Variants in MACROD2 observed in about 807,000 individuals in gnomAD.
The protein encoded by MACROD2 is ADP-ribose glycohydrolase MACROD2.
Under a neutral mutation model 70.4 loss-of-function variants are expected in MACROD2, and 36 were observed. The observed-to-expected ratio is 0.51, with a 90% confidence interval of 0.39 to 0.68. The LOEUF is 0.68. Ranked by LOEUF, MACROD2 falls within the 30% of genes least tolerant of loss-of-function variation. The pLI is 0.00. For missense variants in MACROD2, 496 were observed against 538.4 expected (o/e 0.92, Z 0.78); for synonymous variants, 172 against 178.8 (o/e 0.96, Z 0.30).
intron 5 of MACROD2, among the ~76,000 whole-genome samples, chr20:15,224,105 C>T (rs189212592): frequency 1.3e-5 from 2 of 152,324 alleles, no homozygotes; most frequent in African/African-American, 4.8e-5. Context: ...TCCTCCACTG[C>T]TCCAGTGCCA....
intron 8 of MACROD2, among the ~76,000 whole-genome samples, chr20:15,723,564 C>A (rs2146938500): frequency 6.6e-6 from 1 of 152,306 alleles, no homozygotes. Context: ...AGATTGACTT[C>A]TTTCACTTAG....
intron 8 of MACROD2, among the ~76,000 whole-genome samples, chr20:15,500,632 T>C (rs2047352933): frequency 6.6e-6 from 1 of 152,198 alleles, no homozygotes; most frequent in Non-Finnish European, 1.5e-5. Flanking sequence ...TTTCATTTTC[T>C]GATGGACCAT....
intron 2 of MACROD2, among the ~76,000 whole-genome samples, chr20:14,055,668 G>A (rs1012114074): frequency 1.3e-5 from 2 of 151,900 alleles, no homozygotes; most frequent in Non-Finnish European, 2.9e-5. Context: ...ACAGCAAAGA[G>A]CAGGCATTCA....
chr20:15,575,415 A>G (rs985432030), intron 8 of MACROD2, among the ~76,000 whole-genome samples: 1 of 152,194 alleles, frequency 6.6e-6, no homozygotes, highest in Non-Finnish European at 1.5e-5. Flanking sequence ...GAATGAATGA[A>G]TACCATGCAT....
intron 5 of MACROD2, among the ~76,000 whole-genome samples, chr20:14,770,404 G>T (rs1389051250): frequency 6.6e-6 from 1 of 151,358 alleles, no homozygotes; most frequent in Non-Finnish European, 1.5e-5. Context: ...TTTTAGCTTT[G>T]GTAAAAATAA....
rs1345369 is a variant in MACROD2, at chr20:15,614,177, G to A, written c.645+114330G>A. Among the ~76,000 whole-genome samples, 783 of 152,296 alleles carry A rather than the reference G, an allele frequency of 5.1e-3. 23 individuals carry two copies. Among genetic ancestry groups the A allele is most frequent in the Admixed American group, 0.042 (637 of 15,288 alleles). On this transcript the variant is annotated intron_variant, in intron 8 of 17. Transcript: ENST00000684519. ...ATATTCTGTTGGAAGAAAAGAAAAT[G>A]AATGTAAAGCACCTAACGTCATGCC...
At chr20:15,000,881 A>G (rs2074989973) in intron 5 of MACROD2, among the ~76,000 whole-genome samples, 1 of 152,170 alleles carries the variant, frequency 6.6e-6, no homozygotes, top group African/African-American at 2.4e-5. Context: ...ACTTCAAAAG[A>G]GATGGTTCAT....
intron 5 of MACROD2, among the ~76,000 whole-genome samples, chr20:14,770,126 A>G (rs990412961): frequency 1.3e-5 from 2 of 152,024 alleles, no homozygotes; most frequent in Non-Finnish European, 2.9e-5. Flanking sequence ...AATGCATAGA[A>G]AATGGTATGA....
chr20:14,760,426 T>C lies in MACROD2; in HGVS notation c.418+75467T>C, dbSNP rs902750241. 8.5e-5 allele frequency among the ~76,000 whole-genome samples: 13 copies of C among 152,142 alleles called. 1 individual carries two copies. Among genetic ancestry groups the C allele is most frequent in the Non-Finnish European group, 1.6e-4 (11 of 68,044 alleles). Reference sequence around the variant, plus strand: ...GCCTGGGGCCAGGTACATAGGAAAGTATTAATTAATTTTAGTTCTTATTAT... The same window carrying C: ...GCCTGGGGCCAGGTACATAGGAAAGCATTAATTAATTTTAGTTCTTATTAT... On this transcript the variant is annotated intron_variant, in intron 5 of 17. Transcript: ENST00000684519.
intron 4 of MACROD2, among the ~76,000 whole-genome samples, chr20:14,650,434 T>C (rs963057994): frequency 6.6e-6 from 1 of 152,222 alleles, no homozygotes; most frequent in African/African-American, 2.4e-5. Flanking sequence ...TCACCCCTAC[T>C]TCCCTTTTGA....
At chr20:14,668,662 G>A (rs145926654) in intron 4 of MACROD2, among the ~76,000 whole-genome samples, 1 of 152,238 alleles carries the variant, frequency 6.6e-6, no homozygotes, top group East Asian at 1.9e-4. Context: ...AGTACATGGG[G>A]ATACAAATTT....
intron 3 of MACROD2, among the ~76,000 whole-genome samples, chr20:14,207,454 A>G (rs915268776): frequency 5.3e-5 from 8 of 152,202 alleles, no homozygotes; most frequent in African/African-American, 1.9e-4. Context: ...TGACATACCA[A>G]TACAAATAAA....
intron 10 of MACROD2, among the ~76,000 whole-genome samples, chr20:15,909,935 T>G (rs1367426928): frequency 6.6e-6 from 1 of 152,158 alleles, no homozygotes; most frequent in African/African-American, 2.4e-5. Flanking sequence ...GAGGTCTTAA[T>G]ACCTACTTTG....
chr20:15,377,918 C>T (rs2045584368), intron 6 of MACROD2, among the ~76,000 whole-genome samples: 1 of 151,878 alleles, frequency 6.6e-6, no homozygotes, highest in Admixed American at 6.6e-5. Context: ...TGCACGTTCT[C>T]ACTTATAAGT....
At chr20:15,213,139 C>T (rs978288748) in intron 5 of MACROD2, among the ~76,000 whole-genome samples, 1 of 152,102 alleles carries the variant, frequency 6.6e-6, no homozygotes, top group African/African-American at 2.4e-5. Flanking sequence ...TACACTGCTA[C>T]CATGGAATTA....
chr20:14,984,132 G>A (rs2074827320), intron 5 of MACROD2, among the ~76,000 whole-genome samples: 1 of 152,104 alleles, frequency 6.6e-6, no homozygotes, highest in South Asian at 2.1e-4. Flanking sequence ...AGCTGTGATT[G>A]GTTTGCTTTT....
intron 8 of MACROD2, among the ~76,000 whole-genome samples, chr20:15,536,141 C>G (rs2047871991): frequency 6.6e-6 from 1 of 152,166 alleles, no homozygotes; most frequent in African/African-American, 2.4e-5. Context: ...TTTCCAGAGG[C>G]TCGAATCCAC....
chr20:15,570,236 C>A (rs2048359793), intron 8 of MACROD2, among the ~76,000 whole-genome samples: 1 of 152,066 alleles, frequency 6.6e-6, no homozygotes, highest in Non-Finnish European at 1.5e-5. Flanking sequence ...GCCATTCAAG[C>A]AAATGTGAGG....
In MACROD2 at chr20:15,019,310, C is replaced by T. The variant is rs188300932; in HGVS notation, c.419-210630C>T. 6.0e-4 allele frequency among the ~76,000 whole-genome samples: 92 copies of T among 152,288 alleles called. 1 individual carries two copies. The East Asian group carries it at 0.013, about 21-fold the overall frequency. ...TTATATCATGTAGTCATTGAAATAA[C>T]CCTTTTATAAGTCAAAAACGAAGCA... is the stretch of plus-strand genomic sequence containing the variant. On this transcript the variant is annotated intron_variant, in intron 5 of 17. Coordinates refer to ENST00000684519, the MANE Select transcript of MACROD2 (RefSeq NM_001351661.2).
Sources: allele counts gnomAD v4.1 joint callset (sites outside exome capture counted in the v4.1 genomes callset), GRCh38; gene constraint gnomAD v4.1.1; transcripts MANE v1.5; gene names NCBI Gene and HGNC (gene_info 2026-07-23, HGNC 2026-07-21).